Variants in ZNF277 observed in about 807,000 individuals in gnomAD.
ZNF277 encodes the protein zinc finger protein 277.
A neutral mutation model predicts 60.7 loss-of-function variants in ZNF277; 55 were observed. The observed-to-expected ratio is 0.91, with a 90% CI of 0.73 to 1.13. The LOEUF (loss-of-function observed/expected upper bound fraction) is 1.13, where lower values mean the gene tolerates loss of function less well. ZNF277 is among the 50% of genes most tolerant of loss of function. ZNF277 has a pLI of 0.00. For missense variants in ZNF277, 510 were observed against 523.0 expected (o/e 0.98, Z 0.24); for synonymous variants, 178 against 179.3 (o/e 0.99, Z 0.06).
intron 1 of ZNF277, among the ~76,000 whole-genome samples, chr7:112,243,873 A>G (rs1341015680): frequency 6.6e-6 from 1 of 152,162 alleles, no homozygotes; most frequent in Non-Finnish European, 1.5e-5. Context: ...AATGCTATTT[A>G]TAATAGCAAA....
intron 1 of ZNF277, among the ~76,000 whole-genome samples, chr7:112,252,611 T>C (rs1791224758): frequency 1.3e-5 from 2 of 152,144 alleles, no homozygotes; most frequent in South Asian, 4.1e-4. Flanking sequence ...AAACCTGGAA[T>C]CTGGGGGCAT....
At chr7:112,218,550 T>G (rs901622662) in intron 1 of ZNF277, among the ~76,000 whole-genome samples, 7 of 152,220 alleles carry the variant, frequency 4.6e-5, no homozygotes, top group Non-Finnish European at 1.0e-4. Context: ...GTTACCCTGT[T>G]GTACAGCAGA....
At chr7:112,332,401 G>A (rs1426310276) in intron 7 of ZNF277, among the ~76,000 whole-genome samples, 2 of 152,102 alleles carry the variant, frequency 1.3e-5, no homozygotes, top group Admixed American at 6.6e-5. Context: ...CATGGCTAGG[G>A]CAAGTTACTT....
chr7:112,325,803 G>A (rs1003881542), intron 5 of ZNF277, among the ~76,000 whole-genome samples: 2 of 152,168 alleles, frequency 1.3e-5, no homozygotes, highest in African/African-American at 4.8e-5. Context: ...GAGTCAGGAA[G>A]GTCTGGCCTA....
chr7:112,328,043 C>A (rs1793139971), intron 6 of ZNF277: 1 of 413,218 alleles, frequency 2.4e-6, no homozygotes, highest in African/African-American at 2.1e-5. Context: ...ATATACCAAA[C>A]AATATACATA....
At chr7:112,287,528 CTT>C (rs534311098) in intron 2 of ZNF277, 7 of 138,488 alleles carry the variant, frequency 5.1e-5, no homozygotes, top group Admixed American at 7.2e-5. Flanking sequence ...ACTTCTGAGA[CTT>C]TTTTTTTTTT....
At chr7:112,260,479 A>G (rs544588040) in intron 1 of ZNF277, among the ~76,000 whole-genome samples, 1 of 152,166 alleles carries the variant, frequency 6.6e-6, no homozygotes, top group Non-Finnish European at 1.5e-5. Flanking sequence ...TTCCCATACT[A>G]CTCAATCTCT....
chr7:112,337,729 G>C lies in ZNF277; in HGVS notation c.870-1G>C, dbSNP rs767035320. On this transcript the variant is annotated splice_acceptor_variant, in intron 8 of 11. Coordinates refer to ENST00000361822, the MANE Select transcript of ZNF277 (RefSeq NM_021994.3). LOFTEE classifies it high-confidence loss of function. Reference sequence around the variant, plus strand: ...ATTTTCTCTCCTCTTTTTTAATTCAGTGACTGGTCTGATTGGGAAGAACAC... The same window carrying C: ...ATTTTCTCTCCTCTTTTTTAATTCACTGACTGGTCTGATTGGGAAGAACAC... 3.1e-6 allele frequency: 5 copies of C among 1,610,632 alleles called. No individual in the cohort carries two copies. The highest frequency in any genetic ancestry group is 4.2e-6 in the Non-Finnish European group (5 of 1,178,848).
At chr7:112,249,249 G>A (rs935140667) in intron 1 of ZNF277, among the ~76,000 whole-genome samples, 2 of 152,116 alleles carry the variant, frequency 1.3e-5, no homozygotes, top group African/African-American at 4.8e-5. Flanking sequence ...AGGCAGGAGG[G>A]CACTTCATTA....
chr7:112,339,679 G>T (rs1305501124), intron 9 of ZNF277, among the ~76,000 whole-genome samples, 164 bp from the exon 10 acceptor site: 1 of 152,214 alleles, frequency 6.6e-6, no homozygotes, highest in Non-Finnish European at 1.5e-5. Flanking sequence ...AAAAAGTTGG[G>T]TATGGAGGGA....
chr7:112,315,996 G>A (rs1792836383), intron 4 of ZNF277, among the ~76,000 whole-genome samples: 1 of 152,110 alleles, frequency 6.6e-6, no homozygotes, highest in South Asian at 2.1e-4. Flanking sequence ...GTATCGACAT[G>A]TGCTACAATG....
At chr7:112,248,538 A>T (rs1194582877) in intron 1 of ZNF277, among the ~76,000 whole-genome samples, 1 of 152,144 alleles carries the variant, frequency 6.6e-6, no homozygotes, top group Non-Finnish European at 1.5e-5. Flanking sequence ...AAATGAAATT[A>T]TGTAACACTA....
At chr7:112,323,646 G>A (rs1245921650) in intron 5 of ZNF277, among the ~76,000 whole-genome samples, 1 of 152,168 alleles carries the variant, frequency 6.6e-6, no homozygotes, top group African/African-American at 2.4e-5. Context: ...CCACAGTTGA[G>A]CCATGTTTCT....
At chr7:112,321,575 T>C (rs1228303968) in intron 5 of ZNF277, among the ~76,000 whole-genome samples, 3 of 151,538 alleles carry the variant, frequency 2.0e-5, no homozygotes, top group Admixed American at 2.0e-4. Context: ...TATTTATTTA[T>C]GTAGATTTGA....
chr7:112,317,136 A>G (rs745761111), intron 4 of ZNF277, among the ~76,000 whole-genome samples: 1 of 152,050 alleles, frequency 6.6e-6, no homozygotes, highest in Non-Finnish European at 1.5e-5. Flanking sequence ...AACATCATAC[A>G]CCAAGGCCTA....
chr7:112,263,101 G>A (rs765070441), intron 1 of ZNF277, among the ~76,000 whole-genome samples: 3 of 152,124 alleles, frequency 2.0e-5, no homozygotes, highest in Non-Finnish European at 4.4e-5. Flanking sequence ...TCAAGGAAGG[G>A]CCTCTACTCA....
At chr7:112,241,160 A>C (rs1273488436) in intron 1 of ZNF277, among the ~76,000 whole-genome samples, 1 of 152,142 alleles carries the variant, frequency 6.6e-6, no homozygotes, top group East Asian at 1.9e-4. Context: ...CTATTGGAAA[A>C]AAAAAAATCT....
At chr7:112,295,390 T>C (rs1792300757) in intron 2 of ZNF277, among the ~76,000 whole-genome samples, 1 of 152,170 alleles carries the variant, frequency 6.6e-6, no homozygotes, top group South Asian at 2.1e-4. Flanking sequence ...TTTTCTGTCT[T>C]GTTATATTGA....
At chr7:112,338,887 A>G (rs988504766) in intron 9 of ZNF277, among the ~76,000 whole-genome samples, 2 of 152,186 alleles carry the variant, frequency 1.3e-5, no homozygotes, top group African/African-American at 4.8e-5. Flanking sequence ...ATTCCTAATC[A>G]TCCTTCATAT....
Sources: gnomAD v4.1 joint callset for allele counts (sites outside exome capture counted in the v4.1 genomes callset) on GRCh38, gnomAD v4.1.1 for gene constraint, MANE v1.5 for transcripts, NCBI Gene and HGNC (gene_info 2026-07-23, HGNC 2026-07-21) for gene names.